BLZF1: variants seen among roughly 807,000 people sequenced by gnomAD.
The protein encoded by BLZF1 is basic leucine zipper nuclear factor 1, also known as golgin-45.
In BLZF1, 39 loss-of-function variants were observed where a neutral mutation model predicts 43.8. The observed-to-expected ratio is 0.89, with a 90% CI of 0.69 to 1.16. The LOEUF (loss-of-function observed/expected upper bound fraction) is 1.16. BLZF1 is among the 50% of genes most tolerant of loss of function. The pLI, the probability that BLZF1 is intolerant of heterozygous loss-of-function variation, is 0.00. For synonymous variants in BLZF1, 136 were observed against 159.4 expected (o/e 0.85, Z 1.11); for missense variants, 449 against 469.8 (o/e 0.96, Z 0.41).
intron 3 of BLZF1, among the ~76,000 whole-genome samples, 194 bp from the exon 4 acceptor site, chr1:169,378,136 T>A (rs563592312): frequency 1.8e-4 from 28 of 152,058 alleles, no homozygotes; most frequent in African/African-American, 6.0e-4. Flanking sequence ...TGGATATAGA[T>A]GTATGGAGAG....
At chr1:169,381,292 TG>T (rs1654520143) in intron 5 of BLZF1, among the ~76,000 whole-genome samples, 1 of 152,042 alleles carries the variant, frequency 6.6e-6, no homozygotes, top group South Asian at 2.1e-4. Context: ...TTAGATGAAA[TG>T]GACAAACTCC....
chr1:169,378,646 A>G (rs1265560978), intron 4 of BLZF1, 117 bp downstream of exon 4: 4 of 898,776 alleles, frequency 4.5e-6, no homozygotes, highest in Non-Finnish European at 3.4e-6. Flanking sequence ...TCATCAGAGT[A>G]CTTCATTTAA....
intron 1 of BLZF1, among the ~76,000 whole-genome samples, chr1:169,368,561 T>G (rs1194023266): frequency 6.6e-6 from 1 of 152,156 alleles, no homozygotes; most frequent in Non-Finnish European, 1.5e-5. Flanking sequence ...CTCCCCCTAC[T>G]TACTTCTTCA....
chr1:169,368,299 A>G lies in BLZF1; in HGVS notation c.-94A>G, dbSNP rs968691477. ...CTGGTGATACCGATCCGAAGAGCCT[A>G]TCAAGTGAAGCCCCCTGAAATACGG... On this transcript the variant is annotated 5_prime_UTR_variant, in exon 1 of 7. Transcript: ENST00000367808. 6.4e-6 allele frequency: 1 copy of G among 155,898 alleles called. No individual in the cohort carries two copies. Among genetic ancestry groups the G allele is most frequent in the African/African-American group, 2.4e-5 (1 of 41,456 alleles). 9.7% of individuals were successfully genotyped at this position (155,898 alleles called of 1,614,324 possible). A position where few individuals can be genotyped will look rare whatever the true frequency, so the allele number is the denominator to read the frequency against.
chr1:169,378,749 C>T (rs1468588339), intron 4 of BLZF1, among the ~76,000 whole-genome samples: 1 of 151,864 alleles, frequency 6.6e-6, no homozygotes, highest in Non-Finnish European at 1.5e-5. Context: ...TTCTAGTTTA[C>T]TGTATAGTAA....
chr1:169,395,267 T>C, intron 7 of BLZF1: 1 of 1,403,986 alleles, frequency 7.1e-7, no homozygotes, highest in Non-Finnish European at 9.6e-7. Flanking sequence ...CTTCATGCTA[T>C]AAAGTTACTA....
At chr1:169,378,587 A>C in intron 4 of BLZF1, 58 bp downstream of exon 4, 1 of 1,524,628 alleles carries the variant, frequency 6.6e-7, no homozygotes. Context: ...CAGGTTTTTG[A>C]TCTATAACAC....
rs757473451 is a variant in BLZF1 at position 169,387,125 on chromosome 1, T to C, written c.1146T>C (p.Tyr382=). ...NIGRFHPYTR[Y]ENITFNCCNH... is the part of the protein sequence containing the mutation. Reference sequence around the variant, plus strand: ...GACGATTTCATCCCTATACTAGATATGAAAATATAACTTTCAATTGCTGCA... The same window carrying C: ...GACGATTTCATCCCTATACTAGATACGAAAATATAACTTTCAATTGCTGCA... The change falls in exon 7 of 7, where the codon TAT becomes TAC. Residue 382 remains tyrosine (Y), a synonymous_variant. Coordinates refer to ENST00000367808, the MANE Select transcript of BLZF1 (RefSeq NM_001320973.2). 4 of 1,613,508 alleles carry C rather than the reference T, an allele frequency of 2.5e-6. No homozygotes were observed. Among genetic ancestry groups the C allele is most frequent in the Non-Finnish European group, 3.4e-6 (4 of 1,179,866 alleles).
In BLZF1 at chr1:169,377,005, TGA is replaced by T. The variant is rs764771536; in HGVS notation, c.468+28_468+29del. ...GTAAGAAGAGCCTTAATCGATAAAA[TGA>T]GTACTACTCTTTACGTCTGGACCTT... On this transcript the variant is annotated intron_variant, in intron 3 of 6. Transcript: ENST00000367808. The T allele has an allele frequency of 1.9e-6, 3 of 1,575,454 alleles. No homozygotes were observed. In the Admixed American group the frequency reaches 5.2e-5, roughly 27 times the overall value.
chr1:169,370,633 G>T (rs550274571), intron 2 of BLZF1, among the ~76,000 whole-genome samples: 7 of 152,194 alleles, frequency 4.6e-5, no homozygotes, highest in African/African-American at 1.7e-4. Context: ...CAAATATGGC[G>T]AGTAGCTATT....
At chr1:169,396,405 A>G (rs1571454260) in exon 8 of BLZF1, 1 of 152,076 alleles carries the variant, frequency 6.6e-6, no homozygotes, top group South Asian at 2.1e-4. Context: ...AAAATATAAA[A>G]ATTAGCCAGG....
At chr1:169,395,186 A>G in intron 7 of BLZF1, 1 of 1,611,812 alleles carries the variant, frequency 6.2e-7, no homozygotes, top group Non-Finnish European at 8.5e-7. Flanking sequence ...CATTTTTTCC[A>G]TCCGTTTCCT....
At chr1:169,380,339 G>T in intron 4 of BLZF1, 142 bp from the exon 5 acceptor site, 2 of 677,396 alleles carry the variant, frequency 3.0e-6, no homozygotes, top group South Asian at 3.5e-5. Context: ...ATGCTCTTTA[G>T]CTAAAATTTA....
Position 169,376,619 on chromosome 1 carries a change from C to G in BLZF1, c.108C>G (p.Thr36=), listed in dbSNP as rs1243539414. 1.9e-6 allele frequency: 3 copies of G among 1,613,048 alleles called. No homozygotes were observed. Among genetic ancestry groups the G allele is most frequent in the Middle Eastern group, 1.7e-4 (1 of 6,054 alleles). ...TEEPPKSVEV[T]SGVQSRKHHS... ...AACCACCTAAATCTGTTGAAGTTAC[C>G]TCCGGAGTCCAATCTAGAAAGCATC... is the stretch of plus-strand genomic sequence containing the variant. Residue 36 remains threonine (T), a synonymous_variant, in exon 3 of 7, where the codon ACC becomes ACG. Coordinates refer to ENST00000367808, the MANE Select transcript of BLZF1 (RefSeq NM_001320973.2).
chr1:169,377,144 A>G, intron 3 of BLZF1, 165 bp downstream of exon 3: 1 of 654,166 alleles, frequency 1.5e-6, no homozygotes, highest in South Asian at 2.1e-5. Context: ...TCAGTTCTCT[A>G]GGGATACTTT....
chr1:169,376,195 A>G (rs547653752), intron 2 of BLZF1, among the ~76,000 whole-genome samples: 1 of 152,196 alleles, frequency 6.6e-6, no homozygotes, highest in Non-Finnish European at 1.5e-5. Flanking sequence ...ATTTCATCTT[A>G]TTACATTTTT....
At chr1:169,375,354 TA>T (rs142587239) in intron 2 of BLZF1, among the ~76,000 whole-genome samples, 72,834 of 134,104 alleles carry the variant, frequency 0.54, 20,654 homozygotes, top group Non-Finnish European at 0.61. Context: ...AACATATATA[TA>T]AAAAACATAT....
chr1:169,395,186 A>T, intron 7 of BLZF1: 1 of 1,611,812 alleles, frequency 6.2e-7, no homozygotes. Context: ...CATTTTTTCC[A>T]TCCGTTTCCT....
chr1:169,369,376 A>T, intron 1 of BLZF1, 97 bp from the exon 2 acceptor site: 1 of 606,614 alleles, frequency 1.6e-6, no homozygotes, highest in South Asian at 2.8e-5. Context: ...TGCGTACTAA[A>T]TACAGAAGCA....
Sources: allele counts gnomAD v4.1 joint callset (sites outside exome capture counted in the v4.1 genomes callset), GRCh38; gene constraint gnomAD v4.1.1; transcripts MANE v1.5; gene names NCBI Gene and HGNC (gene_info 2026-07-23, HGNC 2026-07-21).